The following FOXP1 variants were observed in gnomAD, a reference collection of about 807,000 sequenced individuals.
FOXP1 encodes the protein forkhead box P1.
In FOXP1, 15 loss-of-function variants were observed where a neutral mutation model predicts 98.2. The ratio of observed to expected loss-of-function variants is 0.15; its 90% confidence interval spans 0.10 to 0.24. The LOEUF is 0.24. FOXP1 is among the 10% of genes least tolerant of loss of function. The pLI, the probability that FOXP1 is intolerant of heterozygous loss-of-function variation, is 1.00. For synonymous variants in FOXP1, 371 were observed against 314.5 expected (o/e 1.18, Z -1.90); for missense variants, 633 against 848.5 (o/e 0.75, Z 3.15).
chr3:71,515,053 T>C (rs531843134), intron 2 of FOXP1, among the ~76,000 whole-genome samples: 94 of 152,332 alleles, frequency 6.2e-4, no homozygotes, highest in African/African-American at 2.0e-3. Context: ...AGCATAAAGA[T>C]AGCCAGGCTA....
chr3:71,234,215 T>C (rs1378107139), intron 5 of FOXP1, among the ~76,000 whole-genome samples: 1 of 152,134 alleles, frequency 6.6e-6, no homozygotes, highest in African/African-American at 2.4e-5. Context: ...AAAAATCTTT[T>C]TGGATAACCA....
At chr3:71,570,898 G>A (rs1397063907) in intron 2 of FOXP1, 2 of 152,234 alleles carry the variant, frequency 1.3e-5, no homozygotes, top group Non-Finnish European at 2.9e-5. Context: ...GCAGGGAAAT[G>A]GCAGAGCACA....
At chr3:71,437,711 A>C (rs1171723574) in intron 3 of FOXP1, among the ~76,000 whole-genome samples, 2 of 152,184 alleles carry the variant, frequency 1.3e-5, no homozygotes, top group Non-Finnish European at 1.5e-5. Context: ...TGAACTTCCG[A>C]GTCTGTGATC....
chr3:71,441,353 C>T (rs1261957007), intron 3 of FOXP1, among the ~76,000 whole-genome samples: 1 of 152,230 alleles, frequency 6.6e-6, no homozygotes, highest in Non-Finnish European at 1.5e-5. Flanking sequence ...CTACACATCC[C>T]ACCGTGCACA....
At chr3:71,436,035 G>A (rs1323006331) in intron 3 of FOXP1, among the ~76,000 whole-genome samples, 1 of 151,772 alleles carries the variant, frequency 6.6e-6, no homozygotes, top group Non-Finnish European at 1.5e-5. Context: ...GGGAGAATCT[G>A]TCTACATATA....
chr3:71,370,747 G>C (rs1163074380), intron 3 of FOXP1, among the ~76,000 whole-genome samples: 2 of 151,454 alleles, frequency 1.3e-5, no homozygotes, highest in African/African-American at 2.4e-5. Context: ...ATCACCTGGA[G>C]GTCTTGTTAC....
chr3:71,104,366 G>A (rs1475472045), intron 7 of FOXP1, among the ~76,000 whole-genome samples: 1 of 152,122 alleles, frequency 6.6e-6, no homozygotes, highest in South Asian at 2.1e-4. Context: ...ACCTCATTGT[G>A]GGATCACAGC....
chr3:71,448,930 G>C (rs964111399), intron 3 of FOXP1, among the ~76,000 whole-genome samples: 1 of 152,078 alleles, frequency 6.6e-6, no homozygotes, highest in African/African-American at 2.4e-5. Flanking sequence ...AGTAAGGCGT[G>C]GGCATGCAAA....
intron 5 of FOXP1, among the ~76,000 whole-genome samples, chr3:71,293,867 ATTTTTCCCCAGTTCTGTCCCTTGTAAG>A (rs2073018284): frequency 1.3e-5 from 2 of 152,196 alleles, no homozygotes; most frequent in African/African-American, 4.8e-5. Context: ...AAAAACAGTA[ATTTTTCCCCAGTTCTGTCCCTTGTAAG>A]AATATTTCAA....
intron 4 of FOXP1, among the ~76,000 whole-genome samples, chr3:71,323,921 G>A (rs2075537232): frequency 1.3e-5 from 2 of 152,128 alleles, no homozygotes; most frequent in African/African-American, 4.8e-5. Flanking sequence ...GCATGGCCTG[G>A]AACAAATCAC....
intron 18 of FOXP1, chr3:70,972,229 C>T (rs778470759): frequency 7.4e-5 from 108 of 1,462,050 alleles, no homozygotes; most frequent in Non-Finnish European, 8.7e-5. Context: ...CAAAAGGAGA[C>T]GGGGTTGGGG....
intron 7 of FOXP1, among the ~76,000 whole-genome samples, chr3:71,107,226 T>C (rs565416474): frequency 7.2e-4 from 109 of 152,068 alleles, no homozygotes; most frequent in Non-Finnish European, 1.2e-3. Context: ...CACCAAAATT[T>C]TGGAGGCAAG....
At chr3:71,431,937 C>A (rs1473809772) in intron 3 of FOXP1, among the ~76,000 whole-genome samples, 1 of 152,178 alleles carries the variant, frequency 6.6e-6, no homozygotes, top group East Asian at 1.9e-4. Context: ...TGTGCAATTC[C>A]TGTTGCCGTG....
intron 5 of FOXP1, among the ~76,000 whole-genome samples, chr3:71,278,314 T>A (rs1163061842): frequency 1.3e-5 from 2 of 152,194 alleles, no homozygotes; most frequent in African/African-American, 2.4e-5. Context: ...AAGAGAGTTG[T>A]CTTCTCTGAT....
At chr3:71,079,148 C>A (rs532274792) in intron 7 of FOXP1, among the ~76,000 whole-genome samples, 6 of 152,136 alleles carry the variant, frequency 3.9e-5, no homozygotes, top group African/African-American at 1.4e-4. Context: ...AAATAGAGTG[C>A]GCAGAAATGA....
intron 4 of FOXP1, among the ~76,000 whole-genome samples, chr3:71,348,877 T>C (rs1046840146): frequency 1.3e-5 from 2 of 152,178 alleles, no homozygotes; most frequent in Non-Finnish European, 2.9e-5. Context: ...AAGCAAGTTT[T>C]TGATACCCCA....
intron 2 of FOXP1, among the ~76,000 whole-genome samples, chr3:71,516,942 C>T (rs1257043165): frequency 6.6e-6 from 1 of 152,230 alleles, no homozygotes; most frequent in Non-Finnish European, 1.5e-5. Flanking sequence ...TCCAGGGCCA[C>T]GTGTGTGTCT....
At chr3:71,484,723 C>T (rs575818185) in intron 3 of FOXP1, among the ~76,000 whole-genome samples, 2 of 152,134 alleles carry the variant, frequency 1.3e-5, no homozygotes, top group Non-Finnish European at 2.9e-5. Flanking sequence ...AGAGACCACA[C>T]TCTCCCTAAC....
In FOXP1 at chr3:70,956,223, C is replaced by T. The variant is rs939695464; in HGVS notation, c.*3024G>A. ...CAAAAAAGACAAAGATTCACACAGA[C>T]ACATCGGGATATATGTACAACGTAA... On this transcript the variant is annotated 3_prime_UTR_variant, in exon 21 of 21. Coordinates refer to ENST00000649528, the MANE Select transcript of FOXP1 (RefSeq NM_001349338.3). 3.0e-5 allele frequency: 7 copies of T among 233,358 alleles called. No homozygotes were observed. Among genetic ancestry groups the T allele is most frequent in the Non-Finnish European group, 5.9e-5 (7 of 117,972 alleles). 14.5% of individuals were successfully genotyped at this position (233,358 alleles called of 1,614,324 possible).
Sources: allele counts gnomAD v4.1 joint callset (sites outside exome capture counted in the v4.1 genomes callset), GRCh38; gene constraint gnomAD v4.1.1; transcripts MANE v1.5; gene names NCBI Gene and HGNC (gene_info 2026-07-23, HGNC 2026-07-21).